The following MYO16 variants were observed in gnomAD, a reference collection of about 807,000 sequenced individuals.
MYO16 encodes myosin XVI.
Under a neutral mutation model 205.3 loss-of-function variants are expected in MYO16, and 94 were observed. The ratio of observed to expected loss-of-function variants is 0.46; its 90% confidence interval spans 0.39 to 0.54. The LOEUF (loss-of-function observed/expected upper bound fraction) is 0.54, where lower values mean the gene tolerates loss of function less well. Ranked by LOEUF, MYO16 falls within the 20% of genes least tolerant of loss-of-function variation. MYO16 has a pLI of 0.00. For missense variants in MYO16, 2,315 were observed against 2,387.5 expected, an observed-to-expected ratio of 0.97 and a Z score of 0.63; for synonymous variants, 988 against 954.0, an observed-to-expected ratio of 1.04 and a Z score of -0.66.
intron 34 of MYO16, among the ~76,000 whole-genome samples, chr13:109,184,432 T>C (rs1879589921): frequency 6.6e-6 from 1 of 152,208 alleles, no homozygotes; most frequent in Non-Finnish European, 1.5e-5. Flanking sequence ...ACATATCCTA[T>C]ATTTTGTATT....
chr13:108,992,955 A>G (rs1019111311), intron 21 of MYO16, among the ~76,000 whole-genome samples: 1 of 152,188 alleles, frequency 6.6e-6, no homozygotes, highest in African/African-American at 2.4e-5. Context: ...TAAAAGTATT[A>G]AATTATGTAG....
intron 27 of MYO16, among the ~76,000 whole-genome samples, chr13:109,094,480 G>T (rs1888715740): frequency 6.6e-6 from 1 of 152,192 alleles, no homozygotes; most frequent in Non-Finnish European, 1.5e-5. Context: ...CAAGTTGCTA[G>T]GACAACAGGC....
intron 1 of MYO16, among the ~76,000 whole-genome samples, chr13:108,665,592 T>G (rs563291376): frequency 6.6e-6 from 1 of 152,216 alleles, no homozygotes; most frequent in South Asian, 2.1e-4. Flanking sequence ...TGGAGGCTTT[T>G]GGGATGGATT....
At chr13:109,011,227 A>G (rs571109336) in intron 22 of MYO16, among the ~76,000 whole-genome samples, 3 of 152,036 alleles carry the variant, frequency 2.0e-5, no homozygotes, top group African/African-American at 7.2e-5. Context: ...TCCTAGTGGC[A>G]TTCTCCTCTG....
intron 27 of MYO16, among the ~76,000 whole-genome samples, chr13:109,094,235 G>A (rs1888707205): frequency 6.6e-6 from 1 of 152,054 alleles, no homozygotes; most frequent in Admixed American, 6.5e-5. Flanking sequence ...TTTTTTAAGA[G>A]TTGGGGTTTC....
intron 31 of MYO16, among the ~76,000 whole-genome samples, chr13:109,131,239 T>C (rs1876517209): frequency 6.6e-6 from 1 of 152,196 alleles, no homozygotes; most frequent in Non-Finnish European, 1.5e-5. Flanking sequence ...TGCGAATCAA[T>C]TCAGATGGTT....
chr13:108,688,972 A>T (rs941064499), intron 2 of MYO16, among the ~76,000 whole-genome samples: 1 of 152,166 alleles, frequency 6.6e-6, no homozygotes, highest in African/African-American at 2.4e-5. Context: ...CAGCTAAATA[A>T]TTGTTAAATG....
chr13:108,810,686 G>C (rs1057129917), intron 7 of MYO16, among the ~76,000 whole-genome samples: 4 of 152,074 alleles, frequency 2.6e-5, no homozygotes, highest in African/African-American at 9.7e-5. Context: ...GAAATTTGCT[G>C]TAAATATATT....
intron 3 of MYO16, among the ~76,000 whole-genome samples, chr13:108,717,788 G>A (rs1218031990): frequency 6.6e-6 from 1 of 152,142 alleles, no homozygotes; most frequent in Non-Finnish European, 1.5e-5. Flanking sequence ...GGAGGATCTT[G>A]AAGACCAGAT....
the MYO16 span, among the ~76,000 whole-genome samples, chr13:108,551,595 G>A: frequency 3.9e-5 from 6 of 151,920 alleles, no homozygotes; most frequent in South Asian, 2.1e-4. Context: ...ATTCATTATC[G>A]CAGTAATTCC....
the MYO16 span, among the ~76,000 whole-genome samples, chr13:108,584,956 C>G: frequency 1.3e-5 from 2 of 152,108 alleles, no homozygotes; most frequent in Admixed American, 1.3e-4. Context: ...TGGCTTTCCT[C>G]TTTTTAGGCC....
At chr13:108,659,520 C>G (rs4363727) in intron 1 of MYO16, 5,481 of 186,046 alleles carry the variant, frequency 0.029, 288 homozygotes, top group African/African-American at 0.12. Flanking sequence ...CCTTGCCCCC[C>G]TAAAAAAGTG....
intron 32 of MYO16, among the ~76,000 whole-genome samples, chr13:109,153,016 C>G (rs4773034): frequency 0.097 from 14,776 of 152,214 alleles, 1,034 homozygotes; most frequent in African/African-American, 0.2. Flanking sequence ...CTTGAAAACT[C>G]CGACGCATCC....
chr13:108,529,639 C>T, the MYO16 span, among the ~76,000 whole-genome samples: 1 of 152,216 alleles, frequency 6.6e-6, no homozygotes, highest in Non-Finnish European at 1.5e-5. Flanking sequence ...TTGAACCTGA[C>T]AGTTAATTGT....
intron 24 of MYO16, among the ~76,000 whole-genome samples, chr13:109,047,229 G>A (rs961651253): frequency 6.6e-6 from 1 of 152,136 alleles, no homozygotes; most frequent in African/African-American, 2.4e-5. Flanking sequence ...AGATAGAAAT[G>A]TAAAATACCC....
intron 23 of MYO16, among the ~76,000 whole-genome samples, chr13:109,026,653 T>G (rs116426501): frequency 6.6e-6 from 1 of 152,282 alleles, no homozygotes; most frequent in African/African-American, 2.4e-5. Context: ...CTTGCCACAT[T>G]TGATTCGTTT....
intron 2 of MYO16, among the ~76,000 whole-genome samples, chr13:108,668,312 C>A (rs946116929): frequency 1.3e-5 from 2 of 152,088 alleles, no homozygotes; most frequent in African/African-American, 4.8e-5. Context: ...GTGGCTTGGA[C>A]CCAAGCGGAG....
chr13:109,170,225 C>T (rs1039167032), intron 33 of MYO16, among the ~76,000 whole-genome samples: 2 of 151,592 alleles, frequency 1.3e-5, no homozygotes, highest in Non-Finnish European at 2.9e-5. Flanking sequence ...AAACAAAAGA[C>T]AGCTGAAAAG....
At chr13:108,519,276 G>T in the MYO16 span, among the ~76,000 whole-genome samples, 1 of 152,130 alleles carries the variant, frequency 6.6e-6, no homozygotes, top group Non-Finnish European at 1.5e-5. Context: ...GCCAATGATG[G>T]TGTAGGAAAG....
Sources: allele counts gnomAD v4.1 joint callset (sites outside exome capture counted in the v4.1 genomes callset), GRCh38; gene constraint gnomAD v4.1.1; transcripts MANE v1.5; gene names NCBI Gene and HGNC (gene_info 2026-07-23, HGNC 2026-07-21).